The following XKR4 variants were observed in gnomAD, a reference collection of about 807,000 sequenced individuals.
The protein encoded by XKR4 is XK-related protein 4.
In XKR4, 12 loss-of-function variants were observed where a neutral mutation model predicts 53.9. The observed-to-expected ratio is 0.22, with a 90% CI of 0.14 to 0.36. The LOEUF (loss-of-function observed/expected upper bound fraction) is 0.36. XKR4 is among the 10% of genes least tolerant of loss of function. XKR4 has a pLI of 1.00. For missense variants in XKR4, 799 were observed against 859.5 expected, an observed-to-expected ratio of 0.93 and a Z score of 0.88; for synonymous variants, 354 against 362.4, an observed-to-expected ratio of 0.98 and a Z score of 0.26.
intron 1 of XKR4, among the ~76,000 whole-genome samples, chr8:55,251,344 AG>A (rs1818359590): frequency 6.6e-6 from 1 of 152,240 alleles, no homozygotes; most frequent in African/African-American, 2.4e-5. Flanking sequence ...AGATTAACGG[AG>A]TCAGAGACAG....
At chr8:55,171,177 T>C (rs1817151134) in intron 1 of XKR4, among the ~76,000 whole-genome samples, 2 of 152,242 alleles carry the variant, frequency 1.3e-5, no homozygotes, top group Non-Finnish European at 2.9e-5. Context: ...TGATTTTCAG[T>C]ACCTACAATC....
intron 1 of XKR4, among the ~76,000 whole-genome samples, chr8:55,318,732 C>T (rs1803156191): frequency 6.6e-6 from 1 of 152,128 alleles, no homozygotes; most frequent in South Asian, 2.1e-4. Flanking sequence ...GGAAAACATA[C>T]ACGCAGAACA....
chr8:55,437,930 G>T (rs1805199359), intron 2 of XKR4, among the ~76,000 whole-genome samples: 2 of 148,256 alleles, frequency 1.3e-5, no homozygotes, highest in African/African-American at 5.0e-5. Context: ...GTTAGGGCCT[G>T]TGCAGGTCCT....
intron 1 of XKR4, among the ~76,000 whole-genome samples, chr8:55,314,453 G>A (rs1252615310): frequency 6.6e-6 from 1 of 152,126 alleles, no homozygotes; most frequent in Non-Finnish European, 1.5e-5. Context: ...AACAGCAGGA[G>A]AGGCCACCAT....
At chr8:55,485,796 G>A (rs1806182036) in intron 2 of XKR4, among the ~76,000 whole-genome samples, 1 of 152,156 alleles carries the variant, frequency 6.6e-6, no homozygotes, top group Non-Finnish European at 1.5e-5. Context: ...GCACAGGAAA[G>A]GGGTTGGCTT....
At chr8:55,275,674 G>T (rs1263401387) in intron 1 of XKR4, among the ~76,000 whole-genome samples, 1 of 152,290 alleles carries the variant, frequency 6.6e-6, no homozygotes, top group East Asian at 1.9e-4. Context: ...AGAAGATATT[G>T]CCTATACTCC....
chr8:55,452,520 A>G, intron 2 of XKR4: 2 of 657,940 alleles, frequency 3.0e-6, no homozygotes, highest in South Asian at 3.4e-5. Flanking sequence ...CTCACCAGAC[A>G]GCAGGTGCAG....
At chr8:55,513,070 C>CCTGG in intron 2 of XKR4, among the ~76,000 whole-genome samples, 1 of 152,310 alleles carries the variant, frequency 6.6e-6, no homozygotes, top group East Asian at 1.9e-4. Flanking sequence ...TTTCATTCAC[C>CCTGG]CTGGTCCCAG....
At position 55,531,270 on chromosome 8, in the gene XKR4, C is replaced by A. The variant is rs1806949254; in HGVS notation, c.*7043C>A. The A allele has an allele frequency of 6.6e-6, 1 of 152,134 alleles. No individual in the cohort carries two copies. The highest frequency in any genetic ancestry group is 2.4e-5 in the African/African-American group (1 of 41,414). 9.4% of individuals were successfully genotyped at this position (152,134 alleles called of 1,614,324 possible). A position where few individuals can be genotyped will look rare whatever the true frequency, so the allele number is the denominator to read the frequency against. ...GAGCCTATTGTCCCTAGGCTACAAA[C>A]CTGTACAGCATGCTACTGTACCGAA... On this transcript the variant is annotated 3_prime_UTR_variant, in exon 3 of 3. Coordinates refer to ENST00000327381, the MANE Select transcript of XKR4 (RefSeq NM_052898.2).
At chr8:55,347,954 T>C (rs542971159) in intron 1 of XKR4, among the ~76,000 whole-genome samples, 1 of 152,310 alleles carries the variant, frequency 6.6e-6, no homozygotes, top group African/African-American at 2.4e-5. Context: ...AGATATTTTC[T>C]TACAACCATG....
chr8:55,387,819 TC>T (rs1479080423), intron 2 of XKR4, among the ~76,000 whole-genome samples: 4 of 152,152 alleles, frequency 2.6e-5, no homozygotes, highest in Non-Finnish European at 1.5e-5. Flanking sequence ...GAACTGTAGC[TC>T]TAGACTGAGA....
intron 2 of XKR4, among the ~76,000 whole-genome samples, chr8:55,442,055 T>C (rs572402495): frequency 6.6e-6 from 1 of 151,884 alleles, no homozygotes; most frequent in Admixed American, 6.6e-5. Flanking sequence ...TTAACAAAAA[T>C]TTTTTTCTTT....
rs1160872780 is a variant in XKR4, at chr8:55,534,363, CTTTTTTTTTTTTT to C, written c.*10152_*10164del. 1.3e-4 allele frequency: 6 copies of C among 47,134 alleles called. No homozygotes were observed. Among genetic ancestry groups the C allele is most frequent in the African/African-American group, 1.6e-4 (2 of 12,402 alleles). The allele number at this position is 47,134 out of a possible 1,614,324, so 2.9% of individuals were successfully genotyped here. On this transcript the variant is annotated 3_prime_UTR_variant, in exon 3 of 3. Transcript: ENST00000327381. ...GCTCAAAGATCACGAATCTGATATT[CTTTTTTTTTTTTT>C]TTTTTTTTTTTTTTTGAGACAGAGT...
chr8:55,422,687 CTT>C (rs1804952113), intron 2 of XKR4, among the ~76,000 whole-genome samples: 2 of 152,126 alleles, frequency 1.3e-5, no homozygotes, highest in African/African-American at 4.8e-5. Flanking sequence ...ACGCCTCAGA[CTT>C]TGGGGATAGC....
intron 2 of XKR4, among the ~76,000 whole-genome samples, chr8:55,456,799 C>CG (rs1444448666): frequency 1.3e-5 from 2 of 151,778 alleles, no homozygotes; most frequent in East Asian, 3.9e-4. Flanking sequence ...GTTAAGCCTA[C>CG]CAACATATGT....
chr8:55,104,604 A>G (rs868264220), intron 1 of XKR4, among the ~76,000 whole-genome samples: 2 of 152,270 alleles, frequency 1.3e-5, no homozygotes, highest in South Asian at 4.2e-4. Flanking sequence ...TGATTTCACA[A>G]CCTTTCCTGG....
intron 2 of XKR4, among the ~76,000 whole-genome samples, chr8:55,520,333 C>T (rs1236954741): frequency 6.6e-6 from 1 of 152,188 alleles, no homozygotes; most frequent in Non-Finnish European, 1.5e-5. Context: ...CGCCTAAAAT[C>T]CTAGCACTTT....
At chr8:55,309,894 T>C (rs563232024) in intron 1 of XKR4, among the ~76,000 whole-genome samples, 1 of 152,306 alleles carries the variant, frequency 6.6e-6, no homozygotes, top group East Asian at 1.9e-4. Flanking sequence ...CTTGCCATCA[T>C]TTGCTGCTAA....
At chr8:55,450,320 C>T (rs959109764) in intron 2 of XKR4, 41 of 727,880 alleles carry the variant, frequency 5.6e-5, no homozygotes, top group Non-Finnish European at 8.7e-5. Flanking sequence ...ATCTCCTCAG[C>T]GCAGAAGTCC....
Sources: allele counts gnomAD v4.1 joint callset (sites outside exome capture counted in the v4.1 genomes callset), GRCh38; gene constraint gnomAD v4.1.1; transcripts MANE v1.5; gene names NCBI Gene and HGNC (gene_info 2026-07-23, HGNC 2026-07-21).